Variants in SMG1 observed in about 807,000 individuals in gnomAD.
SMG1 encodes the protein SMG1 nonsense mediated mRNA decay associated PI3K related kinase.
In SMG1, 22 loss-of-function variants were observed where a neutral mutation model predicts 419.9. The ratio of observed to expected loss-of-function variants is 0.05; its 90% CI spans 0.04 to 0.07. The LOEUF is 0.07. SMG1 is among the 10% of genes least tolerant of loss of function. SMG1 has a pLI of 1.00. For missense variants in SMG1, 3,185 were observed against 4,342.0 expected (o/e 0.73, Z 7.49); for synonymous variants, 1,538 against 1,553.5 (o/e 0.99, Z 0.23).
intron 50 of SMG1, 40 bp downstream of exon 50, chr16:18,834,164 G>T (rs1052365412): frequency 7.2e-7 from 1 of 1,392,536 alleles, no homozygotes; most frequent in African/African-American, 1.4e-5. Context: ...ACAATATTCA[G>T]TATCTAAAAC....
chr16:18,864,910 A>C (rs1393155620), intron 23 of SMG1, among the ~76,000 whole-genome samples: 1 of 152,210 alleles, frequency 6.6e-6, no homozygotes, highest in Non-Finnish European at 1.5e-5. Context: ...ACAACTATGA[A>C]ACTAAATTTA....
At chr16:18,847,727 C>T (rs1054017842) in intron 37 of SMG1, 89 bp downstream of exon 37, 2 of 1,568,518 alleles carry the variant, frequency 1.3e-6, no homozygotes, top group Non-Finnish European at 1.7e-6. Context: ...ATTGGAGAAC[C>T]CTGACCAGTG....
rs779931769 is a variant in SMG1, at chr16:18,809,665, T to C, written c.10909-19A>G. 2.6e-6 allele frequency: 4 copies of C among 1,562,040 alleles called. No homozygotes were observed. The Admixed American group carries it at 5.4e-5, about 21-fold the overall frequency. Reference sequence around the variant, plus strand: ...AGTCAACCTGTAAAAATAGGCAGGATAGTATGTAAAGTCATTTAAAGCTTT... The same window carrying C: ...AGTCAACCTGTAAAAATAGGCAGGACAGTATGTAAAGTCATTTAAAGCTTT... On this transcript the variant is annotated intron_variant, in intron 62 of 62. Coordinates refer to ENST00000446231, the MANE Select transcript of SMG1 (RefSeq NM_015092.5).
At position 18,875,972 on chromosome 16, in the gene SMG1, C is replaced by G. The variant is rs1376180401; in HGVS notation, c.1890+152G>C. ...TATAATGCCAAGAAAACATTCCTAC[C>G]AATTTTATTTATCCAGGCATGTCTT... On this transcript the variant is annotated intron_variant, in intron 13 of 62. Coordinates refer to ENST00000446231, the MANE Select transcript of SMG1 (RefSeq NM_015092.5). The G allele has an allele frequency of 3.9e-6, 3 of 767,546 alleles. No individual in the cohort carries two copies. In the Admixed American group the frequency reaches 8.6e-5, roughly 22 times the overall value. The allele number at this position is 767,546 out of a possible 1,614,324, so 47.5% of individuals were successfully genotyped here.
chr16:18,839,534 T>C (rs1267601272), intron 42 of SMG1, among the ~76,000 whole-genome samples, 164 bp downstream of exon 42: 3 of 152,210 alleles, frequency 2.0e-5, no homozygotes, highest in Non-Finnish European at 4.4e-5. Flanking sequence ...GACACAGTCA[T>C]GTTCATGCCT....
intron 55 of SMG1, 37 bp downstream of exon 55, chr16:18,827,994 A>G (rs755924873): frequency 1.9e-6 from 3 of 1,590,650 alleles, no homozygotes; most frequent in Non-Finnish European, 2.6e-6. Context: ...ATTTCTAAAA[A>G]GAAAATGCCC....
rs373817069 is a variant in SMG1 at position 18,874,903 on chromosome 16, CTTTT to C, written c.1890+1217_1890+1220del. 9.5e-4 allele frequency among the ~76,000 whole-genome samples: 90 copies of C among 94,576 alleles called. 1 individual carries two copies. The highest frequency in any genetic ancestry group is 1.3e-3 in the South Asian group (3 of 2,374). 62.0% of individuals were successfully genotyped at this position (94,576 alleles called of 152,430 possible). ...AAAAAAAAAAAAAAAAAAAAAAAGC[CTTTT>C]TTTTTTTTTTTTCCCCTAAAAGAAG... On this transcript the variant is annotated intron_variant, in intron 13 of 62. Transcript: ENST00000446231.
intron 58 of SMG1, 94 bp downstream of exon 58, chr16:18,816,208 T>C: frequency 1.0e-6 from 1 of 980,192 alleles, no homozygotes; most frequent in Non-Finnish European, 1.5e-6. Flanking sequence ...TAAATTGTTA[T>C]TTACAAAATG....
At chr16:18,895,674 C>T (rs554468466) in intron 3 of SMG1, among the ~76,000 whole-genome samples, 38 of 150,840 alleles carry the variant, frequency 2.5e-4, no homozygotes, top group South Asian at 6.3e-4. Flanking sequence ...TGCACACGTA[C>T]CCTGAACTTA....
At chr16:18,842,492 A>T in intron 39 of SMG1, 38 bp from the exon 40 acceptor site, 1 of 1,585,190 alleles carries the variant, frequency 6.3e-7, no homozygotes, top group Non-Finnish European at 8.6e-7. Flanking sequence ...TTTACATTAC[A>T]TTAGAACACT....
intron 11 of SMG1, chr16:18,879,105 A>G (rs1411352087): frequency 3.5e-6 from 1 of 285,888 alleles, no homozygotes; most frequent in Non-Finnish European, 6.8e-6. Context: ...AATATAATAA[A>G]GCAAAGCCCT....
chr16:18,875,050 G>C (rs899454787), intron 13 of SMG1: 4 of 152,148 alleles, frequency 2.6e-5, no homozygotes, highest in Admixed American at 6.6e-5. Context: ...GTGGAGGATG[G>C]GACCCAAGTC....
At chr16:18,921,048 G>C (rs1345107785) in intron 1 of SMG1, among the ~76,000 whole-genome samples, 28 of 150,414 alleles carry the variant, frequency 1.9e-4, no homozygotes, top group Admixed American at 4.7e-4. Context: ...TGAGACAGGA[G>C]AATCACTTGA....
intron 1 of SMG1, among the ~76,000 whole-genome samples, chr16:18,902,415 C>T (rs369165909): frequency 6.6e-6 from 1 of 152,016 alleles, no homozygotes; most frequent in African/African-American, 2.4e-5. Context: ...ACCTAAGAGT[C>T]GTCTTGGCCA....
At chr16:18,871,340 A>C (rs761086698) in intron 16 of SMG1, 24 bp downstream of exon 16, 2 of 1,169,720 alleles carry the variant, frequency 1.7e-6, no homozygotes, top group South Asian at 3.1e-5. Flanking sequence ...CAAAATAGAA[A>C]AAAAAAAAAA....
At chr16:18,834,806 A>G in intron 49 of SMG1, 86 bp downstream of exon 49, 1 of 1,419,782 alleles carries the variant, frequency 7.0e-7, no homozygotes, top group Non-Finnish European at 9.7e-7. Flanking sequence ...ACACTTGGCA[A>G]GACTAAGGAA....
chr16:18,829,497 T>C lies in SMG1; in HGVS notation c.9392A>G (p.Lys3131Arg), dbSNP rs751727166. 3 of 1,613,988 alleles carry C rather than the reference T, an allele frequency of 1.9e-6. No individual in the cohort carries two copies. Among genetic ancestry groups the C allele is most frequent in the Admixed American group, 3.3e-5 (2 of 60,022 alleles). The change falls in exon 54 of 63, where the codon AAA (lysine) becomes AGA (arginine). Residue 3131 changes from lysine (K) to arginine (R), a missense_variant. Lys to Arg is a conservative substitution (Grantham distance 26, BLOSUM62 2). This residue lies in a region of SMG1 where 737 missense variants were observed against 846.6 expected (regional missense o/e 0.87). Transcript: ENST00000446231. ...VEAKDFGAESKVSVDDLCKKA... is the reference protein window; with the variant it reads ...VEAKDFGAESRVSVDDLCKKA... ...CTTACAGAGATCATCAACAGAAACT[T>C]TGCTTTCGGCACCAAAGTCCTTTGC... is the stretch of plus-strand genomic sequence containing the variant.
chr16:18,841,302 G>A (rs1342138137), intron 41 of SMG1, among the ~76,000 whole-genome samples: 1 of 149,942 alleles, frequency 6.7e-6, no homozygotes, highest in Non-Finnish European at 1.5e-5. Flanking sequence ...TCGGGAGCCT[G>A]TAGCAGAATT....
rs1356006923 is a variant in SMG1, at chr16:18,869,356, T to C, written c.2634-53A>G. The C allele has an allele frequency of 4.9e-6, 7 of 1,429,576 alleles. No homozygotes were observed. In the African/African-American group the frequency reaches 7.3e-5, roughly 15 times the overall value. 88.6% of individuals were successfully genotyped at this position (1,429,576 alleles called of 1,614,324 possible). ...GACAATGACAACTTCATTTTAATAA[T>C]GAAAAAAAAAATGCAAGGGGAATAG... is the stretch of plus-strand genomic sequence containing the variant. On this transcript the variant is annotated intron_variant, in intron 19 of 62. Transcript: ENST00000446231.
Sources: allele counts gnomAD v4.1 joint callset (sites outside exome capture counted in the v4.1 genomes callset), GRCh38; gene constraint gnomAD v4.1.1; regional missense constraint gnomAD v4.1.1; transcripts MANE v1.5; gene names NCBI Gene and HGNC (gene_info 2026-07-23, HGNC 2026-07-21).